The following RHOT2 variants were observed in gnomAD, a reference collection of about 807,000 sequenced individuals.
RHOT2 encodes ras homolog family member T2.
In RHOT2, 90 loss-of-function variants were observed where a neutral mutation model predicts 81.6. The ratio of observed to expected loss-of-function variants is 1.10; its 90% CI spans 0.93 to 1.31. The LOEUF (loss-of-function observed/expected upper bound fraction) is 1.31. RHOT2 is among the 40% of genes most tolerant of loss of function. RHOT2 has a pLI of 0.00. For synonymous variants in RHOT2, 512 were observed against 370.9 expected (o/e 1.38, Z -4.37); for missense variants, 1,014 against 841.9 (o/e 1.20, Z -2.53).
At chr16:668,740 G>T in intron 4 of RHOT2, 41 bp downstream of exon 4, 1 of 1,561,380 alleles carries the variant, frequency 6.4e-7, no homozygotes, top group South Asian at 1.2e-5. Context: ...CTGGGCGCGG[G>T]CTCGGCCTAA....
chr16:671,053 TG>T lies in RHOT2; in HGVS notation c.749-28del, dbSNP rs3833075. ...GGGAGTGTGGGGAGGGGGCTGTGCC[TG>T]GTGCTCCCCCTGCTTTGTCTCGGTG... On this transcript the variant is annotated intron_variant, in intron 10 of 18. Transcript: ENST00000315082. The T allele has an allele frequency of 2.1e-3, 3,400 of 1,607,934 alleles. 36 individuals are homozygous for T. In the East Asian group the frequency reaches 0.027, roughly 13 times the overall value.
intron 12 of RHOT2, 29 bp downstream of exon 12, chr16:671,810 G>GGCCC: frequency 1.3e-6 from 2 of 1,586,208 alleles, no homozygotes; most frequent in Non-Finnish European, 1.7e-6. Context: ...CCCTGCCCCT[G>GGCCC]CCCCCGCCCC....
In RHOT2 at chr16:668,335, C is replaced by T; in HGVS notation, c.38-18C>T. ...GCCGTGACCTTGGCCCTCGCGCTGA[C>T]CGCCTCGCCCCGCGCAGCCCAGGTG... On this transcript the variant is annotated intron_variant, in intron 1 of 18. Transcript: ENST00000315082. 7.2e-7 allele frequency: 1 copy of T among 1,383,014 alleles called. No homozygotes were observed. Among genetic ancestry groups the T allele is most frequent in the East Asian group, 2.9e-5 (1 of 34,088 alleles). 85.7% of individuals were successfully genotyped at this position (1,383,014 alleles called of 1,614,324 possible). A position where few individuals can be genotyped will look rare whatever the true frequency, so the allele number is the denominator to read the frequency against.
At chr16:670,102 C>A in intron 5 of RHOT2, 21 bp from the exon 6 acceptor site, 1 of 1,547,334 alleles carries the variant, frequency 6.5e-7, no homozygotes, top group South Asian at 1.2e-5. Flanking sequence ...CCTCACTTCA[C>A]AGCCAGGCTT....
chr16:668,254 G>T lies in RHOT2; in HGVS notation c.37+18G>T. ...GGGCGAGGGTAGGCGCCGGCCCGGG[G>T]GTCTCGGAGCTGCGGCGGCCGTGAG... On this transcript the variant is annotated intron_variant, in intron 1 of 18. Coordinates refer to ENST00000315082, the MANE Select transcript of RHOT2 (RefSeq NM_138769.3). The T allele has an allele frequency of 1.2e-6, 1 of 809,996 alleles. No homozygotes were observed. Among genetic ancestry groups the T allele is most frequent in the Non-Finnish European group, 1.8e-6 (1 of 568,404 alleles). The allele number at this position is 809,996 out of a possible 1,614,324, so 50.2% of individuals were successfully genotyped here. A position where few individuals can be genotyped will look rare whatever the true frequency, so the allele number is the denominator to read the frequency against.
In RHOT2 at chr16:669,650, G is replaced by T. The variant is rs202220828; in HGVS notation, c.276+44G>T. ...CCCCAACAGCAGAGACACAGTGGCC[G>T]GTGGTGGCCCAGGTGGACCTTCACC... On this transcript the variant is annotated intron_variant, in intron 5 of 18. Transcript: ENST00000315082. The T allele has an allele frequency of 1.9e-6, 3 of 1,595,060 alleles. No individual in the cohort carries two copies. The African/African-American group carries it at 4.0e-5, about 21-fold the overall frequency.
At position 672,710 on chromosome 16, in the gene RHOT2, AGGTG is replaced by A. The variant is rs2039177134; in HGVS notation, c.1415_1418del (p.Val472AlafsTer19). ...GGCCGCTGTCTGTCCCAGCTCTGTG[AGGTG>A]GGCACAGATGGTCTGCTGGCCACAT... On this transcript the variant is annotated frameshift_variant, in exon 17 of 19. Coordinates refer to ENST00000315082, the MANE Select transcript of RHOT2 (RefSeq NM_138769.3). LOFTEE classifies it high-confidence loss of function. 6.2e-7 allele frequency: 1 copy of A among 1,612,136 alleles called. No individual in the cohort carries two copies.
intron 11 of RHOT2, 137 bp from the exon 12 acceptor site, chr16:671,560 G>A (rs2038939396): frequency 1.0e-5 from 10 of 957,408 alleles, no homozygotes; most frequent in South Asian, 3.2e-5. Flanking sequence ...GCAGCTGCAA[G>A]GTCGGGGGCG....
chr16:669,856 G>T (rs867149657), intron 5 of RHOT2: 24 of 616,680 alleles, frequency 3.9e-5, no homozygotes, highest in African/African-American at 1.3e-4. Context: ...AAACCCCCGG[G>T]GGGGGACCCG....
In RHOT2 at chr16:671,223, G is replaced by C. The variant is rs2038882815; in HGVS notation, c.869+20G>C. On this transcript the variant is annotated intron_variant, in intron 11 of 18. Coordinates refer to ENST00000315082, the MANE Select transcript of RHOT2 (RefSeq NM_138769.3). ...CCCTCTGTGAGTGATGCCGGGGCTT[G>C]AGGCCTGCCCTCCCCGAGGGTCAGG... The C allele has an allele frequency of 6.5e-7, 1 of 1,530,866 alleles. No homozygotes were observed. Among genetic ancestry groups the C allele is most frequent in the Admixed American group, 2.0e-5 (1 of 49,862 alleles). 94.8% of individuals were successfully genotyped at this position (1,530,866 alleles called of 1,614,324 possible).
At position 674,007 on chromosome 16, in the gene RHOT2, C is replaced by A. The variant is rs1222497627; in HGVS notation, c.*401C>A. On this transcript the variant is annotated 3_prime_UTR_variant, in exon 19 of 19. Coordinates refer to ENST00000315082, the MANE Select transcript of RHOT2 (RefSeq NM_138769.3). ...AGTGGGTATGAGGAGGGCTGGAAGGCAGAGCTTTGGGCCAAAAGCAGGCGT... is the reference window on the plus strand; with the variant it reads ...AGTGGGTATGAGGAGGGCTGGAAGGAAGAGCTTTGGGCCAAAAGCAGGCGT... 1 of 363,022 alleles carries A rather than the reference C, an allele frequency of 2.8e-6. No individual in the cohort carries two copies. The highest frequency in any genetic ancestry group is 2.1e-5 in the South Asian group (1 of 47,000). 22.5% of individuals were successfully genotyped at this position (363,022 alleles called of 1,614,324 possible).
In RHOT2 at chr16:669,582, C is replaced by T. The variant is rs1426068320; in HGVS notation, c.252C>T (p.Val84=). Residue 84 remains valine (V), a synonymous_variant, in exon 5 of 19, where the codon GTC becomes GTT. Transcript: ENST00000315082. ...ACGTGGTGTGTGTGGTGTATGACGT[C>T]TCTGAGGAGGCCACCATTGAGAAGG... is the stretch of plus-strand genomic sequence containing the variant. ...KANVVCVVYD[V]SEEATIEKIR... The T allele has an allele frequency of 3.1e-6, 5 of 1,612,158 alleles. No individual in the cohort carries two copies. The East Asian group carries it at 8.9e-5, about 29-fold the overall frequency.
chr16:671,231 C>A, intron 11 of RHOT2, 28 bp downstream of exon 11: 1 of 1,524,952 alleles, frequency 6.6e-7, no homozygotes, highest in Non-Finnish European at 8.8e-7. Context: ...TTGAGGCCTG[C>A]CCTCCCCGAG....
rs760685812 is a variant in RHOT2, at chr16:673,147, G to A, written c.1730+17G>A. On this transcript the variant is annotated intron_variant, in intron 18 of 18. Transcript: ENST00000315082. The stretch of plus-strand genomic sequence containing the variant: ...CGCCTTCCCGTGGGTACCCAGTAGC[G>A]CAGCCCTGGGGACTAGCAGTGTCTG... 3.1e-6 allele frequency: 5 copies of A among 1,607,854 alleles called. No homozygotes were observed. The South Asian group carries it at 3.3e-5, about 11-fold the overall frequency.
At chr16:671,299 G>T in intron 11 of RHOT2, 96 bp downstream of exon 11, 1 of 1,473,204 alleles carries the variant, frequency 6.8e-7, no homozygotes, top group African/African-American at 1.4e-5. Flanking sequence ...GGGGTTTGAG[G>T]CCTGCCCTCC....
At position 670,256 on chromosome 16, in the gene RHOT2, A is replaced by G. The variant is rs1446724402; in HGVS notation, c.337A>G (p.Ile113Val). Residue 113 changes from isoleucine to valine, a missense_variant, in exon 7 of 19, where the codon ATC (isoleucine) becomes GTC (valine). Coordinates refer to ENST00000315082, the MANE Select transcript of RHOT2 (RefSeq NM_138769.3). ...GGTTQGPRVP[I>V]ILVGNKSDLR... is the part of the protein sequence containing the mutation. The stretch of plus-strand genomic sequence containing the variant: ...CATGGGCCTTCAACCCAGGGTGCCC[A>G]TCATCCTAGTGGGCAACAAGTCAGA... 1 of 1,612,452 alleles carries G rather than the reference A, an allele frequency of 6.2e-7. No individual in the cohort carries two copies. The highest frequency in any genetic ancestry group is 1.3e-5 in the African/African-American group (1 of 74,910).
At position 670,287 on chromosome 16, in the gene RHOT2, G is replaced by C. The variant is rs770092940; in HGVS notation, c.368G>C (p.Arg123Pro). Residue 123 changes from arginine to proline, a missense_variant, in exon 7 of 19, where the codon CGG (arginine) becomes CCG (proline). Transcript: ENST00000315082. ...IILVGNKSDL[R>P]SGSSMEAVLP... ...CTAGTGGGCAACAAGTCAGACCTGC[G>C]GTCGGGGAGCTCCATGGAGGCCGTG... 6.2e-7 allele frequency: 1 copy of C among 1,612,780 alleles called. No individual in the cohort carries two copies. Among genetic ancestry groups the C allele is most frequent in the South Asian group, 1.1e-5 (1 of 91,080 alleles).
intron 7 of RHOT2, 23 bp downstream of exon 7, chr16:670,380 C>A: frequency 1.2e-6 from 2 of 1,610,670 alleles, no homozygotes; most frequent in South Asian, 2.2e-5. Flanking sequence ...CAGGCAGGGC[C>A]GCCTCCTTCA....
In RHOT2 at chr16:668,235, G is replaced by C. The variant is rs1429891198; in HGVS notation, c.36G>C (p.Glu12Asp). 9 of 656,438 alleles carry C rather than the reference G, an allele frequency of 1.4e-5. No individual in the cohort carries two copies. The highest frequency in any genetic ancestry group is 1.9e-5 in the Non-Finnish European group (8 of 428,464). The allele number at this position is 656,438 out of a possible 1,614,324, so 40.7% of individuals were successfully genotyped here. The stretch of plus-strand genomic sequence containing the variant: ...ACGTGCGCATCCTGTTACTGGGCGA[G>C]GGTAGGCGCCGGCCCGGGGGTCTCG... ...RRDVRILLLG[E>D]AQVGKTSLIL... is the part of the protein sequence containing the mutation. Residue 12 changes from glutamate (E) to aspartate (D), a missense_variant and splice_region_variant, in exon 1 of 19, where the codon GAG becomes GAC. By Grantham distance (45) the Glu-to-Asp change is conservative. Transcript: ENST00000315082.
Sources: gnomAD v4.1 joint callset for allele counts on GRCh38, gnomAD v4.1.1 for gene constraint, MANE v1.5 for transcripts, NCBI Gene and HGNC (gene_info 2026-07-23, HGNC 2026-07-21) for gene names.